Variants in IGSF11 observed in about 807,000 individuals in gnomAD.
IGSF11 encodes immunoglobulin superfamily member 11.
IGSF11 carries 22 observed loss-of-function variants against 41.0 expected under a neutral mutation model. The ratio of observed to expected loss-of-function variants is 0.54; its 90% CI spans 0.38 to 0.77. The LOEUF (loss-of-function observed/expected upper bound fraction) is 0.77, where lower values mean the gene tolerates loss of function less well. Ranked by LOEUF, IGSF11 falls within the 30% of genes least tolerant of loss-of-function variation. The pLI is 0.00. For synonymous variants in IGSF11, 219 were observed against 201.3 expected (o/e 1.09, Z -0.74); for missense variants, 444 against 530.8 (o/e 0.84, Z 1.61).
chr3:119,020,805 T>C (rs192934015), intron 1 of IGSF11, among the ~76,000 whole-genome samples: 47 of 152,350 alleles, frequency 3.1e-4, no homozygotes, highest in Non-Finnish European at 6.5e-4. Context: ...GATATATCTA[T>C]ACTTCTGCTT....
At chr3:119,020,510 T>G (rs1287832464) in intron 1 of IGSF11, among the ~76,000 whole-genome samples, 1 of 152,240 alleles carries the variant, frequency 6.6e-6, no homozygotes, top group Non-Finnish European at 1.5e-5. Context: ...ACTCCACGAA[T>G]GTAACACATT....
At chr3:119,058,165 C>G (rs1222793973) in intron 1 of IGSF11, among the ~76,000 whole-genome samples, 3 of 152,100 alleles carry the variant, frequency 2.0e-5, no homozygotes, top group East Asian at 1.9e-4. Context: ...GCAAAAGAAA[C>G]TACCATCAGA....
chr3:119,140,497 AGATATG>A (rs372386480), intron 1 of IGSF11, among the ~76,000 whole-genome samples: 64 of 152,320 alleles, frequency 4.2e-4, no homozygotes, highest in African/African-American at 1.2e-3. Flanking sequence ...AATTGAAGTG[AGATATG>A]GATAATTCAA....
chr3:119,067,385 G>A (rs536717313), intron 1 of IGSF11, among the ~76,000 whole-genome samples: 2 of 152,274 alleles, frequency 1.3e-5, no homozygotes, highest in Admixed American at 1.3e-4. Flanking sequence ...TGTAGATCCA[G>A]CTCTGCCCTT....
chr3:119,121,752 G>C (rs1472948605), intron 1 of IGSF11, among the ~76,000 whole-genome samples: 4 of 152,094 alleles, frequency 2.6e-5, no homozygotes, highest in Non-Finnish European at 2.9e-5. Context: ...TTTCCACCAA[G>C]ACATACTCAA....
intron 1 of IGSF11, among the ~76,000 whole-genome samples, chr3:119,054,624 G>A (rs1941749698): frequency 6.6e-6 from 1 of 152,094 alleles, no homozygotes; most frequent in African/African-American, 2.4e-5. Context: ...CAGTGTAGAG[G>A]CTCCTTAAAG....
chr3:119,140,714 T>C (rs552494636), intron 1 of IGSF11, among the ~76,000 whole-genome samples: 3 of 152,274 alleles, frequency 2.0e-5, no homozygotes, highest in Admixed American at 1.3e-4. Flanking sequence ...CCATATGTTA[T>C]ACCATAAAAC....
intron 4 of IGSF11, among the ~76,000 whole-genome samples, chr3:118,912,328 C>A (rs551503734): frequency 1.3e-5 from 2 of 152,248 alleles, no homozygotes; most frequent in East Asian, 1.9e-4. Context: ...CCTTGGTTGC[C>A]AAGAAGCTGC....
At chr3:119,091,996 G>C (rs887197691) in intron 1 of IGSF11, among the ~76,000 whole-genome samples, 17 of 87,792 alleles carry the variant, frequency 1.9e-4, no homozygotes, top group African/African-American at 4.3e-4. Context: ...GTTTTTTTGG[G>C]GGGGGGGGGT....
intron 1 of IGSF11, among the ~76,000 whole-genome samples, chr3:119,091,921 A>G (rs2076766837): frequency 6.6e-6 from 1 of 151,608 alleles, no homozygotes; most frequent in African/African-American, 2.4e-5. Flanking sequence ...TTACAGAGTA[A>G]TAATATAAAC....
intron 1 of IGSF11, among the ~76,000 whole-genome samples, chr3:119,102,372 ATTGATTG>A (rs1559868098): frequency 6.6e-6 from 1 of 152,222 alleles, no homozygotes; most frequent in Non-Finnish European, 1.5e-5. Flanking sequence ...GTTTCCTAGC[ATTGATTG>A]CTGCTGTGGA....
At chr3:119,009,253 C>T (rs1937802780) in intron 1 of IGSF11, among the ~76,000 whole-genome samples, 1 of 148,104 alleles carries the variant, frequency 6.8e-6, no homozygotes. Context: ...TGCATAAAGC[C>T]CTTTGCAACA....
chr3:118,933,395 T>C (rs527716926), intron 1 of IGSF11, among the ~76,000 whole-genome samples: 1 of 151,774 alleles, frequency 6.6e-6, no homozygotes, highest in East Asian at 1.9e-4. Context: ...ACCACTACTA[T>C]TGCTAGCTAA....
intron 1 of IGSF11, among the ~76,000 whole-genome samples, chr3:119,047,523 C>T (rs9758157): frequency 0.056 from 8,491 of 152,214 alleles, 784 homozygotes; most frequent in African/African-American, 0.19. Flanking sequence ...TACAAAGAGA[C>T]TTAGACTCCC....
intron 1 of IGSF11, among the ~76,000 whole-genome samples, chr3:119,007,934 C>T (rs1193765273): frequency 6.6e-6 from 1 of 152,146 alleles, no homozygotes; most frequent in Non-Finnish European, 1.5e-5. Context: ...TATGCTTCGG[C>T]TTCAAATCCT....
chr3:118,951,561 AAT>A (rs1944569390), intron 1 of IGSF11, among the ~76,000 whole-genome samples: 1 of 152,200 alleles, frequency 6.6e-6, no homozygotes, highest in African/African-American at 2.4e-5. Flanking sequence ...TAAAAATAAT[AAT>A]AGACTAATAA....
At chr3:119,032,302 G>A (rs920475977) in intron 1 of IGSF11, among the ~76,000 whole-genome samples, 1 of 152,082 alleles carries the variant, frequency 6.6e-6, no homozygotes, top group Admixed American at 6.5e-5. Context: ...CTGGGGATGA[G>A]CCATAATTCA....
chr3:118,917,316 G>C (rs1011648019), intron 4 of IGSF11, among the ~76,000 whole-genome samples: 12 of 150,506 alleles, frequency 8.0e-5, no homozygotes, highest in Non-Finnish European at 1.6e-4. Context: ...AATGAATCCA[G>C]GAGCTGGTTT....
intron 1 of IGSF11, among the ~76,000 whole-genome samples, chr3:119,004,426 T>A (rs556547663): frequency 6.6e-6 from 1 of 151,670 alleles, no homozygotes; most frequent in Non-Finnish European, 1.5e-5. Context: ...CCTGGATTCA[T>A]TGATTTTTTG....
Sources: gnomAD v4.1 joint callset for allele counts (sites outside exome capture counted in the v4.1 genomes callset) on GRCh38, gnomAD v4.1.1 for gene constraint, MANE v1.5 for transcripts, NCBI Gene and HGNC (gene_info 2026-07-23, HGNC 2026-07-21) for gene names.